The following HK2 variants were observed in gnomAD, a reference collection of about 807,000 sequenced individuals.
The protein encoded by HK2 is hexokinase-2.
Under a neutral mutation model 92.9 loss-of-function variants are expected in HK2, and 42 were observed. The ratio of observed to expected loss-of-function variants is 0.45; its 90% CI spans 0.35 to 0.58. The LOEUF (loss-of-function observed/expected upper bound fraction) is 0.58. Ranked by LOEUF, HK2 falls within the 20% of genes least tolerant of loss-of-function variation. The probability of loss-of-function intolerance (pLI) is 0.00; values close to 1 mark genes in which losing one functional copy is unlikely to be tolerated. For synonymous variants in HK2, 422 were observed against 468.0 expected (o/e 0.90, Z 1.27); for missense variants, 978 against 1,245.1 (o/e 0.79, Z 3.23).
At chr2:74,850,846 TATTA>T (rs1688549841) in intron 1 of HK2, among the ~76,000 whole-genome samples, 1 of 152,158 alleles carries the variant, frequency 6.6e-6, no homozygotes, top group South Asian at 2.1e-4. Context: ...ATTAAGTGAT[TATTA>T]ATTATCCCTT....
chr2:74,860,707 C>T (rs1326278495), intron 2 of HK2, among the ~76,000 whole-genome samples: 1 of 152,176 alleles, frequency 6.6e-6, no homozygotes, highest in East Asian at 1.9e-4. Context: ...CATTATTGCA[C>T]AAGCCCTTTT....
intron 1 of HK2, among the ~76,000 whole-genome samples, chr2:74,839,931 C>T (rs1476158138): frequency 4.5e-4 from 64 of 143,090 alleles, no homozygotes; most frequent in African/African-American, 1.6e-3. Flanking sequence ...GGATTACAGG[C>T]GTGAGCCACT....
chr2:74,877,404 C>T, intron 8 of HK2, 83 bp downstream of exon 8: 1 of 1,483,286 alleles, frequency 6.7e-7, no homozygotes, highest in Non-Finnish European at 9.4e-7. Context: ...GGGGCTGTAC[C>T]TTTTGACTCT....
chr2:74,877,677 C>T (rs1689267632), intron 8 of HK2, among the ~76,000 whole-genome samples: 1 of 152,186 alleles, frequency 6.6e-6, no homozygotes, highest in Non-Finnish European at 1.5e-5. Context: ...ACATCTGATT[C>T]CCTATTGGCA....
At chr2:74,851,676 G>T (rs1341999469) in intron 1 of HK2, among the ~76,000 whole-genome samples, 5 of 152,152 alleles carry the variant, frequency 3.3e-5, no homozygotes, top group Non-Finnish European at 7.3e-5. Flanking sequence ...GTGGAGGTGG[G>T]GCGGGGGCAC....
chr2:74,880,233 A>G (rs1036218886), intron 9 of HK2, 32 bp from the exon 10 acceptor site: 4 of 1,612,694 alleles, frequency 2.5e-6, no homozygotes, highest in Non-Finnish European at 3.4e-6. Flanking sequence ...AACCATGGAC[A>G]CCTGTCTCTT....
intron 1 of HK2, among the ~76,000 whole-genome samples, chr2:74,838,245 T>C (rs1205252434): frequency 6.6e-6 from 1 of 152,118 alleles, no homozygotes; most frequent in Non-Finnish European, 1.5e-5. Context: ...GGTGAGGTGC[T>C]CAGTGAGTAC....
rs754933750 is a variant in HK2, at chr2:74,877,194, A to G, written c.904A>G (p.Met302Val). The G allele has an allele frequency of 3.1e-6, 5 of 1,614,044 alleles. No individual in the cohort carries two copies. Among genetic ancestry groups the G allele is most frequent in the East Asian group, 2.2e-5 (1 of 44,894 alleles). ...TGAGAAGATGATCAGTGGGATGTAC[A>G]TGGGGGAGCTGGTGAGGCTTATCCT... is the stretch of plus-strand genomic sequence containing the variant. ...LFEKMISGMY[M>V]GELVRLILVK... is the part of the protein sequence containing the mutation. Residue 302 changes from methionine to valine, a missense_variant, in exon 8 of 18, where the codon ATG (methionine) becomes GTG (valine). By Grantham distance (21) the Met-to-Val change is conservative (BLOSUM62 1). This residue lies in a region of HK2 where 742 missense variants were observed against 922.5 expected (regional missense o/e 0.80). Coordinates refer to ENST00000290573, the MANE Select transcript of HK2 (RefSeq NM_000189.5).
chr2:74,877,247 C>T lies in HK2; in HGVS notation c.957C>T (p.Leu319=), dbSNP rs761204336. The change falls in exon 8 of 18, where the codon CTC becomes CTT. Residue 319 remains leucine, a synonymous_variant. Transcript: ENST00000290573. ...TGAAGATGGCCAAGGAGGAGCTGCT[C>T]TTTGGGGGGAAGCTCAGCCCAGAGC... ...ILVKMAKEEL[L]FGGKLSPELL... 4.3e-6 allele frequency: 7 copies of T among 1,614,004 alleles called. No individual in the cohort carries two copies. The highest frequency in any genetic ancestry group is 3.3e-4 in the Middle Eastern group (2 of 6,084).
chr2:74,891,012 C>T lies in HK2; in HGVS notation c.*71C>T, dbSNP rs966376932. The stretch of plus-strand genomic sequence containing the variant: ...TGTTTTAAATTATAAGATGTCATCC[C>T]CTTGTGTCAGAGACAGACCCCTTGG... On this transcript the variant is annotated 3_prime_UTR_variant, in exon 18 of 18. Transcript: ENST00000290573. 14 of 1,557,824 alleles carry T rather than the reference C, an allele frequency of 9.0e-6. No homozygotes were observed. In the African/African-American group the frequency reaches 1.5e-4, roughly 17 times the overall value.
chr2:74,854,864 G>A (rs549323014), intron 2 of HK2, among the ~76,000 whole-genome samples: 1 of 152,334 alleles, frequency 6.6e-6, no homozygotes, highest in East Asian at 1.9e-4. Context: ...TGCTCTAACT[G>A]GGACGCCGGA....
intron 3 of HK2, among the ~76,000 whole-genome samples, chr2:74,871,374 T>C (rs1324457743): frequency 6.6e-6 from 1 of 152,242 alleles, no homozygotes; most frequent in Non-Finnish European, 1.5e-5. Context: ...ACCTGGCCCT[T>C]GGAATCTGCC....
chr2:74,834,708 C>T lies in HK2; in HGVS notation c.63+65C>T. ...AAAGTGGTCTGGCCTCCATCAGTCT[C>T]TTCCTCGACCCTGCGGGGACCCGCT... On this transcript the variant is annotated intron_variant, in intron 1 of 17. Transcript: ENST00000290573. The surrounding 1 kb of genome is among the most constrained non-coding windows in gnomAD (Gnocchi z 4.2). The T allele has an allele frequency of 6.5e-7, 1 of 1,549,100 alleles. No homozygotes were observed. The highest frequency in any genetic ancestry group is 8.9e-7 in the Non-Finnish European group (1 of 1,120,852).
At chr2:74,864,764 C>A (rs982102197) in intron 2 of HK2, among the ~76,000 whole-genome samples, 7 of 152,230 alleles carry the variant, frequency 4.6e-5, no homozygotes, top group Non-Finnish European at 1.0e-4. Context: ...GCCTTGGCCT[C>A]CCAAAGTGCT....
At chr2:74,853,052 TGAG>T (rs530213816) in intron 1 of HK2, among the ~76,000 whole-genome samples, 111 of 152,120 alleles carry the variant, frequency 7.3e-4, no homozygotes, top group African/African-American at 2.6e-3. Context: ...ATCTGGAGGA[TGAG>T]AAGAGGCCTC....
intron 1 of HK2, among the ~76,000 whole-genome samples, chr2:74,845,219 T>C (rs1573355733): frequency 6.6e-6 from 1 of 152,258 alleles, no homozygotes; most frequent in Admixed American, 6.5e-5. Flanking sequence ...TACTTGTTAA[T>C]GTATCTGTCT....
chr2:74,837,484 T>C (rs1310190029), intron 1 of HK2, among the ~76,000 whole-genome samples: 2 of 152,178 alleles, frequency 1.3e-5, no homozygotes, highest in Admixed American at 6.5e-5. Flanking sequence ...TCAACTGGTC[T>C]CTTGGTTACT....
intron 2 of HK2, among the ~76,000 whole-genome samples, chr2:74,865,884 G>GT (rs1688933986): frequency 6.6e-6 from 1 of 152,078 alleles, no homozygotes; most frequent in Admixed American, 6.5e-5. Context: ...TGTGTCCTGA[G>GT]TTCTTGGTCC....
At position 74,851,570 on chromosome 2, in the gene HK2, A is replaced by T. The variant is rs1344274104; in HGVS notation, c.64-2723A>T. On this transcript the variant is annotated intron_variant, in intron 1 of 17. Coordinates refer to ENST00000290573, the MANE Select transcript of HK2 (RefSeq NM_000189.5). ...TGTGCATAACCTCATGCTTCTGGAC[A>T]TGATGATAGGACCATTTAATGAGGT... Among the ~76,000 whole-genome samples the T allele has an allele frequency of 2.0e-5, 3 of 152,232 alleles. No individual in the cohort carries two copies. In the East Asian group the frequency reaches 5.8e-4, roughly 29 times the overall value.
Sources: gnomAD v4.1 joint callset for allele counts (sites outside exome capture counted in the v4.1 genomes callset) on GRCh38, gnomAD v4.1.1 for gene constraint, gnomAD v4.1.1 regional missense constraint, Gnocchi (gnomAD v3.1) non-coding constraint, MANE v1.5 for transcripts, NCBI Gene and HGNC (gene_info 2026-07-23, HGNC 2026-07-21) for gene names.